The following SRGN variants were observed in gnomAD, a reference collection of about 807,000 sequenced individuals.
SRGN encodes serglycin.
A neutral mutation model predicts 9.5 loss-of-function variants in SRGN; 2 were observed. That is an observed-to-expected ratio of 0.21 (90% confidence interval 0.09 to 0.66). The LOEUF is 0.66. Among genes scored for constraint, SRGN ranks in the 30% least tolerant of loss-of-function variants. SRGN has a pLI of 0.83. For missense variants in SRGN, 170 were observed against 192.4 expected, an observed-to-expected ratio of 0.88 and a Z score of 0.69; for synonymous variants, 59 against 72.3, an observed-to-expected ratio of 0.82 and a Z score of 0.93.
intron 1 of SRGN, among the ~76,000 whole-genome samples, chr10:69,091,913 A>AAAAAAAAAAAAAAC: frequency 1.3e-5 from 1 of 79,056 alleles, no homozygotes; most frequent in East Asian, 4.4e-4. Context: ...AAAAAAGAAA[A>AAAAAAAAAAAAAAC]AGAAAAGAAA....
In SRGN at chr10:69,088,131, A is replaced by T; in HGVS notation, c.-27A>T. The T allele has an allele frequency of 3.7e-6, 6 of 1,606,870 alleles. No individual in the cohort carries two copies. The highest frequency in any genetic ancestry group is 5.1e-6 in the Non-Finnish European group (6 of 1,173,530). ...TTTCCTAATCAAGAAGTTGGCGTGCAGCTGGGAGAGCTAGACTAAGTTGGT... is the reference window on the plus strand; with the variant it reads ...TTTCCTAATCAAGAAGTTGGCGTGCTGCTGGGAGAGCTAGACTAAGTTGGT... On this transcript the variant is annotated 5_prime_UTR_variant, in exon 1 of 3. Coordinates refer to ENST00000242465, the MANE Select transcript of SRGN (RefSeq NM_002727.4).
chr10:69,103,491 C>T (rs935006393), intron 2 of SRGN, among the ~76,000 whole-genome samples: 8 of 151,910 alleles, frequency 5.3e-5, no homozygotes, highest in African/African-American at 1.9e-4. Context: ...TGCAGTGAGC[C>T]GAGATGGCAC....
At position 69,097,240 on chromosome 10, in the gene SRGN, A is replaced by G. The variant is rs950563583; in HGVS notation, c.227+9A>G. 3 of 1,601,672 alleles carry G rather than the reference A, an allele frequency of 1.9e-6. No individual in the cohort carries two copies. Among genetic ancestry groups the G allele is most frequent in the East Asian group, 2.2e-5 (1 of 44,754 alleles). On this transcript the variant is annotated intron_variant, in intron 2 of 2. Transcript: ENST00000242465. ...AGGACTGACCTTTTTCCGTAAGTGG[A>G]CTTTTCTCTAATTAATTAATTAATT... is the stretch of plus-strand genomic sequence containing the variant.
Position 69,097,077 on chromosome 10 carries a change from CG to C in SRGN, c.80-4del, listed in dbSNP as rs1564660601. The stretch of plus-strand genomic sequence containing the variant: ...ATACTTAGTAACAATGTGGGTTCCT[CG>C]GGCAGGTTATCCTACGCGGAGAGCC... On this transcript the variant is annotated splice_region_variant and splice_polypyrimidine_tract_variant and intron_variant, in intron 1 of 2. Transcript: ENST00000242465. 18 of 1,612,806 alleles carry C rather than the reference CG, an allele frequency of 1.1e-5. No homozygotes were observed. Among genetic ancestry groups the C allele is most frequent in the Non-Finnish European group, 1.5e-5 (18 of 1,179,462 alleles).
At chr10:69,096,669 A>G (rs1840181583) in intron 1 of SRGN, among the ~76,000 whole-genome samples, 1 of 152,190 alleles carries the variant, frequency 6.6e-6, no homozygotes, top group Non-Finnish European at 1.5e-5. Context: ...TTTAGAATCT[A>G]TTTAGTTAAA....
intron 2 of SRGN, among the ~76,000 whole-genome samples, chr10:69,103,518 G>A (rs1195390591): frequency 6.6e-6 from 1 of 152,068 alleles, no homozygotes; most frequent in Non-Finnish European, 1.5e-5. Context: ...ACTCCAGCCT[G>A]GGCAACAGAG....
At chr10:69,093,536 C>A (rs1300443497) in intron 1 of SRGN, among the ~76,000 whole-genome samples, 1 of 152,150 alleles carries the variant, frequency 6.6e-6, no homozygotes, top group African/African-American at 2.4e-5. Context: ...GTCTAAGTAG[C>A]AATTAGATGC....
chr10:69,089,894 A>C (rs1840014276), intron 1 of SRGN, among the ~76,000 whole-genome samples: 1 of 152,020 alleles, frequency 6.6e-6, no homozygotes, highest in African/African-American at 2.4e-5. Flanking sequence ...AGACTCTGTC[A>C]GAAAGAAAGA....
At position 69,104,001 on chromosome 10, in the gene SRGN, T is replaced by C; in HGVS notation, c.358T>C (p.Tyr120His). 1 of 1,614,232 alleles carries C rather than the reference T, an allele frequency of 6.2e-7. No homozygotes were observed. Among genetic ancestry groups the C allele is most frequent in the Non-Finnish European group, 8.5e-7 (1 of 1,180,038 alleles). The change falls in exon 3 of 3, where the codon TAC becomes CAC. Residue 120 changes from tyrosine to histidine, a missense_variant. Coordinates refer to ENST00000242465, the MANE Select transcript of SRGN (RefSeq NM_002727.4). ...SGFLTEMEQD[Y>H]QLVDESDAFH... is the part of the protein sequence containing the mutation. ...CTTCCTAACGGAAATGGAACAGGAT[T>C]ACCAACTAGTAGACGAAAGTGATGC... is the stretch of plus-strand genomic sequence containing the variant.
chr10:69,091,163 T>G (rs1840043315), intron 1 of SRGN, among the ~76,000 whole-genome samples: 2 of 152,324 alleles, frequency 1.3e-5, no homozygotes, highest in South Asian at 4.1e-4. Flanking sequence ...TCTCATTTGC[T>G]CTATACATTA....
chr10:69,096,998 A>G, intron 1 of SRGN, 86 bp from the exon 2 acceptor site: 1 of 1,451,562 alleles, frequency 6.9e-7, no homozygotes, highest in Non-Finnish European at 9.3e-7. Flanking sequence ...TGTCTCGAAA[A>G]AAAAATAAAA....
chr10:69,092,206 C>T (rs1840078223), intron 1 of SRGN, among the ~76,000 whole-genome samples: 1 of 152,036 alleles, frequency 6.6e-6, no homozygotes, highest in Non-Finnish European at 1.5e-5. Context: ...TGAGCATAGC[C>T]ACTATAATCA....
intron 1 of SRGN, among the ~76,000 whole-genome samples, chr10:69,096,223 T>C (rs747823929): frequency 2.6e-5 from 4 of 152,218 alleles, no homozygotes; most frequent in Admixed American, 2.6e-4. Context: ...TTGACTCATC[T>C]CTATGAAAAG....
intron 1 of SRGN, 128 bp from the exon 2 acceptor site, chr10:69,096,956 T>C (rs911154762): frequency 8.0e-6 from 7 of 876,346 alleles, no homozygotes; most frequent in Admixed American, 5.8e-5. Context: ...ATCACAGTAC[T>C]GCACTCCAGC....
chr10:69,088,069 A>T (rs1839972917), upstream of SRGN: 2 of 1,147,650 alleles, frequency 1.7e-6, no homozygotes, highest in Non-Finnish European at 2.6e-6. Flanking sequence ...GAGGTTTTGG[A>T]ACATTTTCTA....
At chr10:69,090,229 G>T (rs1017211301) in intron 1 of SRGN, among the ~76,000 whole-genome samples, 1 of 152,144 alleles carries the variant, frequency 6.6e-6, no homozygotes, top group Non-Finnish European at 1.5e-5. Context: ...ACACCTCCAC[G>T]CAATGCCAGA....
chr10:69,103,486 T>C (rs1840330774), intron 2 of SRGN, among the ~76,000 whole-genome samples: 1 of 152,108 alleles, frequency 6.6e-6, no homozygotes, highest in Non-Finnish European at 1.5e-5. Context: ...GAGGTTGCAG[T>C]GAGCCGAGAT....
At chr10:69,097,938 T>C (rs2132158460) in intron 2 of SRGN, among the ~76,000 whole-genome samples, 3 of 152,286 alleles carry the variant, frequency 2.0e-5, no homozygotes, top group Admixed American at 2.0e-4. Context: ...CTTCAAGCTG[T>C]CCAGAGTGTT....
chr10:69,090,062 C>T (rs1465060001), intron 1 of SRGN, among the ~76,000 whole-genome samples: 1 of 152,150 alleles, frequency 6.6e-6, no homozygotes, highest in East Asian at 1.9e-4. Flanking sequence ...GAGAAACTGA[C>T]AAACTAGGGT....
Sources: allele counts gnomAD v4.1 joint callset (sites outside exome capture counted in the v4.1 genomes callset), GRCh38; gene constraint gnomAD v4.1.1; transcripts MANE v1.5; gene names NCBI Gene and HGNC (gene_info 2026-07-23, HGNC 2026-07-21).